DZIP1L: variants seen among roughly 807,000 people sequenced by gnomAD.
The protein encoded by DZIP1L is cilium assembly protein DZIP1L.
DZIP1L carries 90 observed loss-of-function variants against 88.7 expected under a neutral mutation model. That is an observed-to-expected ratio of 1.02 (90% CI 0.86 to 1.21). The LOEUF is 1.21. Ranked by LOEUF, DZIP1L falls within the 50% of genes most tolerant of loss-of-function variation. DZIP1L has a pLI of 0.00. For synonymous variants in DZIP1L, 363 were observed against 372.1 expected (o/e 0.98, Z 0.28); for missense variants, 932 against 955.8 (o/e 0.98, Z 0.33).
intron 3 of DZIP1L, among the ~76,000 whole-genome samples, chr3:138,095,188 G>C (rs1443462764): frequency 6.6e-6 from 1 of 152,198 alleles, no homozygotes; most frequent in Non-Finnish European, 1.5e-5. Flanking sequence ...TAACTCAGAG[G>C]GCTGCTGTGA....
At chr3:138,069,331 ATG>A (rs1559824894) in intron 12 of DZIP1L, among the ~76,000 whole-genome samples, 1 of 152,208 alleles carries the variant, frequency 6.6e-6, no homozygotes, top group East Asian at 1.9e-4. Context: ...AACATACAAA[ATG>A]TGTGTTAATA....
chr3:138,103,012 A>G (rs1453029387), intron 2 of DZIP1L: 4 of 443,478 alleles, frequency 9.0e-6, no homozygotes, highest in Non-Finnish European at 1.7e-5. Flanking sequence ...CTATTAATAC[A>G]CCTTTTTATA....
intron 10 of DZIP1L, among the ~76,000 whole-genome samples, chr3:138,078,454 C>G (rs1188600218): frequency 6.6e-6 from 1 of 152,178 alleles, no homozygotes; most frequent in Non-Finnish European, 1.5e-5. Flanking sequence ...TGGAATCACC[C>G]CAGGCTGATT....
chr3:138,088,641 C>G, intron 5 of DZIP1L, 134 bp from the exon 6 acceptor site: 1 of 1,350,440 alleles, frequency 7.4e-7, no homozygotes, highest in Middle Eastern at 2.8e-4. Context: ...GATACCTACT[C>G]ACCTACAGAT....
At chr3:138,077,354 G>A (rs1297852841) in intron 11 of DZIP1L, 145 bp downstream of exon 11, 17 of 1,185,138 alleles carry the variant, frequency 1.4e-5, no homozygotes, top group South Asian at 4.4e-5. Context: ...TGAGAAAGGC[G>A]TGCAGATGCC....
At chr3:138,079,186 G>C (rs1317459365) in intron 10 of DZIP1L, among the ~76,000 whole-genome samples, 7 of 152,208 alleles carry the variant, frequency 4.6e-5, no homozygotes, top group Non-Finnish European at 1.5e-5. Flanking sequence ...AACAGCAGGG[G>C]CATGGCCACA....
At chr3:138,081,609 A>T in intron 9 of DZIP1L, 125 bp downstream of exon 9, 1 of 949,374 alleles carries the variant, frequency 1.1e-6, no homozygotes, top group Non-Finnish European at 1.6e-6. Flanking sequence ...GCCTGACACT[A>T]CATGTCCACA....
intron 9 of DZIP1L, 36 bp downstream of exon 9, chr3:138,081,698 C>T: frequency 1.3e-6 from 2 of 1,598,666 alleles, no homozygotes; most frequent in Non-Finnish European, 8.5e-7. Flanking sequence ...AGACAATAGT[C>T]AAGACTGCTA....
chr3:138,071,559 T>C, intron 12 of DZIP1L, 84 bp downstream of exon 12: 1 of 1,479,568 alleles, frequency 6.8e-7, no homozygotes, highest in Non-Finnish European at 9.1e-7. Flanking sequence ...ACAGAGACTA[T>C]ACCCTCCTCA....
At chr3:138,070,956 C>T (rs767377364) in intron 12 of DZIP1L, among the ~76,000 whole-genome samples, 5 of 152,210 alleles carry the variant, frequency 3.3e-5, no homozygotes, top group African/African-American at 4.8e-5. Flanking sequence ...TCCGTAAGAA[C>T]AGACTCAAGG....
chr3:138,081,295 A>C (rs1242606869), intron 9 of DZIP1L, among the ~76,000 whole-genome samples: 2 of 152,150 alleles, frequency 1.3e-5, no homozygotes, highest in South Asian at 4.1e-4. Flanking sequence ...TCCCCACACC[A>C]GAGTACCCAA....
Position 138,089,042 on chromosome 3 carries a change from G to A in DZIP1L, c.871-535C>T, listed in dbSNP as rs1401571899. The A allele has an allele frequency of 1.3e-5, 13 of 985,368 alleles. No homozygotes were observed. The Admixed American group carries it at 7.4e-4, about 56-fold the overall frequency. The allele number at this position is 985,368 out of a possible 1,614,324, so 61.0% of individuals were successfully genotyped here. The stretch of plus-strand genomic sequence containing the variant: ...AAGGTACAGAAAATTGGATCAAAGA[G>A]AGGATGCCTTTCCACCCACCTTTGA... On this transcript the variant is annotated intron_variant, in intron 5 of 15. Coordinates refer to ENST00000327532, the MANE Select transcript of DZIP1L (RefSeq NM_173543.3).
In DZIP1L at chr3:138,103,650, C is replaced by T. The variant is rs764902342; in HGVS notation, c.322G>A (p.Val108Ile). 18 of 1,608,456 alleles carry T rather than the reference C, an allele frequency of 1.1e-5. No homozygotes were observed. The highest frequency in any genetic ancestry group is 1.4e-5 in the Non-Finnish European group (17 of 1,179,510). The change falls in exon 2 of 16, where the codon GTT (valine) becomes ATT (isoleucine). Residue 108 changes from valine to isoleucine, a missense_variant. Val to Ile is a conservative substitution (Grantham distance 29). Transcript: ENST00000327532. ...LHCQDCLSAS[V>I]AQLEARLQTS... is the part of the protein sequence containing the mutation. ...TGCAGCCGTGCCTCCAGCTGGGCAACACTGGCACTCAGGCAATCCTGGCAG... is the reference window on the plus strand; with the variant it reads ...TGCAGCCGTGCCTCCAGCTGGGCAATACTGGCACTCAGGCAATCCTGGCAG...
intron 10 of DZIP1L, among the ~76,000 whole-genome samples, chr3:138,078,679 C>A (rs928375221): frequency 6.6e-6 from 1 of 152,120 alleles, no homozygotes; most frequent in Non-Finnish European, 1.5e-5. Flanking sequence ...CAGGTGGAAC[C>A]CAAAAATCTG....
At chr3:138,101,828 G>A (rs994878077) in intron 2 of DZIP1L, 32 of 1,251,274 alleles carry the variant, frequency 2.6e-5, no homozygotes, top group Admixed American at 1.2e-4. Context: ...CGCAGCTGCC[G>A]CTCCATGTCC....
At position 138,068,275 on chromosome 3, in the gene DZIP1L, G is replaced by T. The variant is rs1328804754; in HGVS notation, c.1708C>A (p.Pro570Thr). ...VALPSTPAEP[P>T]PPTRQSHGSH... The stretch of plus-strand genomic sequence containing the variant: ...CCATGGCTCTGACGAGTTGGTGGGG[G>T]TGGCTCTGCCGGTGTGGATGGCAAG... Residue 570 changes from proline to threonine, a missense_variant, in exon 13 of 16, where the codon CCC (proline) becomes ACC (threonine). By Grantham distance (38) the Pro-to-Thr change is conservative (BLOSUM62 -1). Transcript: ENST00000327532. 6.3e-7 allele frequency: 1 copy of T among 1,599,058 alleles called. No homozygotes were observed. Among genetic ancestry groups the T allele is most frequent in the South Asian group, 1.1e-5 (1 of 88,358 alleles).
chr3:138,066,046 C>T (rs939113965), intron 14 of DZIP1L, among the ~76,000 whole-genome samples: 2 of 152,196 alleles, frequency 1.3e-5, no homozygotes, highest in Non-Finnish European at 2.9e-5. Flanking sequence ...AGTCTCTTGG[C>T]TGAAAAGGGC....
intron 11 of DZIP1L, among the ~76,000 whole-genome samples, chr3:138,073,143 G>A (rs762361467): frequency 1.3e-5 from 2 of 152,076 alleles, no homozygotes; most frequent in Non-Finnish European, 2.9e-5. Flanking sequence ...CCTGCCCACC[G>A]CCTGAGAAAC....
chr3:138,081,229 T>C (rs1313766935), intron 9 of DZIP1L, among the ~76,000 whole-genome samples: 1 of 152,072 alleles, frequency 6.6e-6, no homozygotes, highest in Non-Finnish European at 1.5e-5. Flanking sequence ...CCCCTGTGGG[T>C]TGCCGTCTAC....
Sources: gnomAD v4.1 joint callset for allele counts (sites outside exome capture counted in the v4.1 genomes callset) on GRCh38, gnomAD v4.1.1 for gene constraint, MANE v1.5 for transcripts, NCBI Gene and HGNC (gene_info 2026-07-23, HGNC 2026-07-21) for gene names.